The following GAB2 variants were observed in gnomAD, a reference collection of about 807,000 sequenced individuals.
GAB2 encodes GRB2 associated binding protein 2, also known as GRB2-associated-binding protein 2.
A neutral mutation model predicts 65.5 loss-of-function variants in GAB2; 26 were observed. That is an observed-to-expected ratio of 0.40 (90% confidence interval 0.29 to 0.55). The LOEUF (loss-of-function observed/expected upper bound fraction) is 0.55. Among genes scored for constraint, GAB2 ranks in the 20% least tolerant of loss-of-function variants. The pLI, the probability that GAB2 is intolerant of heterozygous loss-of-function variation, is 0.53. For synonymous variants in GAB2, 321 were observed against 329.6 expected (o/e 0.97, Z 0.28); for missense variants, 884 against 875.8 (o/e 1.01, Z -0.12).
chr11:78,243,781 T>G (rs1402752527), intron 3 of GAB2, among the ~76,000 whole-genome samples: 1 of 151,772 alleles, frequency 6.6e-6, no homozygotes, highest in African/African-American at 2.4e-5. Context: ...GAGGCGGAGG[T>G]TGTAGTGAGC....
intron 8 of GAB2, 43 bp downstream of exon 8, chr11:78,221,634 G>A (rs1864427374): frequency 8.0e-7 from 1 of 1,251,600 alleles, no homozygotes; most frequent in Non-Finnish European, 1.2e-6. Flanking sequence ...TGGGTCCCAG[G>A]GGACTTGAAA....
chr11:78,240,858 C>T (rs1298944986), intron 3 of GAB2, among the ~76,000 whole-genome samples: 2 of 152,190 alleles, frequency 1.3e-5, no homozygotes, highest in African/African-American at 2.4e-5. Flanking sequence ...GATCCTGGCC[C>T]GGAGGGCAGT....
chr11:78,270,304 A>G (rs1865977216), intron 2 of GAB2, among the ~76,000 whole-genome samples: 2 of 151,704 alleles, frequency 1.3e-5, no homozygotes, highest in South Asian at 4.2e-4. Context: ...ACTGCACTCC[A>G]GCCTGGGCAA....
intron 1 of GAB2, among the ~76,000 whole-genome samples, chr11:78,403,001 C>T (rs529934810): frequency 9.2e-5 from 14 of 152,338 alleles, no homozygotes; most frequent in African/African-American, 2.9e-4. Context: ...TGAGGAGCTT[C>T]TTTCCCTCTT....
intron 2 of GAB2, among the ~76,000 whole-genome samples, chr11:78,250,937 A>G (rs1039342413): frequency 2.0e-5 from 3 of 152,174 alleles, no homozygotes; most frequent in African/African-American, 7.2e-5. Flanking sequence ...AACAGTAGAC[A>G]CTGGGGATTA....
intron 1 of GAB2, among the ~76,000 whole-genome samples, chr11:78,341,320 G>A (rs1856090927): frequency 6.6e-6 from 1 of 152,162 alleles, no homozygotes; most frequent in African/African-American, 2.4e-5. Flanking sequence ...TTGGTAAATG[G>A]TAAATATCGG....
intron 1 of GAB2, among the ~76,000 whole-genome samples, chr11:78,312,955 T>A (rs559951258): frequency 6.6e-6 from 1 of 151,956 alleles, no homozygotes; most frequent in Non-Finnish European, 1.5e-5. Flanking sequence ...CTAAAAAATA[T>A]GTGTTTGTGT....
In GAB2 at chr11:78,227,008, T is replaced by A; in HGVS notation, c.664A>T (p.Arg222Trp). 1.9e-6 allele frequency: 3 copies of A among 1,613,410 alleles called. No individual in the cohort carries two copies. The highest frequency in any genetic ancestry group is 2.5e-6 in the Non-Finnish European group (3 of 1,179,854). Residue 222 changes from arginine to tryptophan, a missense_variant, in exon 4 of 10, where the codon AGG (arginine) becomes TGG (tryptophan). Coordinates refer to ENST00000361507, the MANE Select transcript of GAB2 (RefSeq NM_080491.3). ...AGTTTTTGTACAGCTGTGTCACTCC[T>A]CATGAGAAAAGAGGCTCTGGTGCCC... ...SQGTRASFLM[R>W]SDTAVQKLAQ...
intron 2 of GAB2, among the ~76,000 whole-genome samples, chr11:78,273,960 G>A (rs1222068725): frequency 6.6e-6 from 1 of 152,058 alleles, no homozygotes; most frequent in Admixed American, 6.5e-5. Flanking sequence ...CCATGATTAT[G>A]AGGCCTCCTC....
At chr11:78,235,928 T>C (rs1193884320) in intron 3 of GAB2, among the ~76,000 whole-genome samples, 2 of 152,240 alleles carry the variant, frequency 1.3e-5, no homozygotes, top group East Asian at 3.8e-4. Context: ...CGCCCCACTC[T>C]ACTGGTACCA....
At chr11:78,358,583 A>C (rs1280911905) in intron 1 of GAB2, among the ~76,000 whole-genome samples, 3 of 151,802 alleles carry the variant, frequency 2.0e-5, no homozygotes, top group African/African-American at 7.3e-5. Flanking sequence ...TCAAGTGAAG[A>C]TCTAAAAGTA....
At chr11:78,340,271 A>G (rs930247239) in intron 1 of GAB2, among the ~76,000 whole-genome samples, 1 of 152,210 alleles carries the variant, frequency 6.6e-6, no homozygotes, top group Non-Finnish European at 1.5e-5. Context: ...CACTGAATAA[A>G]GAGGAGTGAG....
chr11:78,399,685 G>A (rs1249253291), intron 1 of GAB2, among the ~76,000 whole-genome samples: 2 of 152,230 alleles, frequency 1.3e-5, no homozygotes, highest in African/African-American at 4.8e-5. Flanking sequence ...TGAAAGGGAT[G>A]TGAAGGCACC....
At chr11:78,304,196 A>T (rs934662203) in intron 1 of GAB2, among the ~76,000 whole-genome samples, 8 of 151,910 alleles carry the variant, frequency 5.3e-5, no homozygotes, top group African/African-American at 1.9e-4. Context: ...TTATGCTTTT[A>T]TTTTTTAATG....
At chr11:78,365,765 C>T (rs966739141) in intron 1 of GAB2, among the ~76,000 whole-genome samples, 13 of 152,238 alleles carry the variant, frequency 8.5e-5, no homozygotes, top group South Asian at 4.1e-4. Context: ...AGCCTTGGAT[C>T]GCAAAAAGCC....
In GAB2 at chr11:78,215,951, G is replaced by A. The variant is rs556419018; in HGVS notation, c.*3321C>T. 6.5e-6 allele frequency: 1 copy of A among 152,812 alleles called. No homozygotes were observed. The highest frequency in any genetic ancestry group is 1.9e-4 in the East Asian group (1 of 5,194). 9.5% of individuals were successfully genotyped at this position (152,812 alleles called of 1,614,324 possible). On this transcript the variant is annotated 3_prime_UTR_variant, in exon 10 of 10. Coordinates refer to ENST00000361507, the MANE Select transcript of GAB2 (RefSeq NM_080491.3). Reference sequence around the variant, plus strand: ...GCCCATGCTCCAGTAACTTCAGAATGGTTGTGCTTTTGTCACAGGAATGGG... The same window carrying A: ...GCCCATGCTCCAGTAACTTCAGAATAGTTGTGCTTTTGTCACAGGAATGGG...
intron 2 of GAB2, among the ~76,000 whole-genome samples, chr11:78,258,214 C>A (rs1209365078): frequency 6.6e-6 from 1 of 152,270 alleles, no homozygotes; most frequent in Middle Eastern, 3.4e-3. Context: ...GTCATATTTA[C>A]AGAGATTCAG....
intron 1 of GAB2, among the ~76,000 whole-genome samples, chr11:78,398,157 G>A (rs1222009742): frequency 6.6e-6 from 1 of 152,166 alleles, no homozygotes; most frequent in Non-Finnish European, 1.5e-5. Flanking sequence ...CCCTGCTCTT[G>A]CAAGTCAGCA....
At chr11:78,323,771 G>A (rs535992594) in intron 1 of GAB2, among the ~76,000 whole-genome samples, 4 of 145,694 alleles carry the variant, frequency 2.7e-5, no homozygotes, top group South Asian at 4.4e-4. Context: ...AAACCTACAC[G>A]TGTACCCCCT....
Sources: allele counts gnomAD v4.1 joint callset (sites outside exome capture counted in the v4.1 genomes callset), GRCh38; gene constraint gnomAD v4.1.1; transcripts MANE v1.5; gene names NCBI Gene and HGNC (gene_info 2026-07-23, HGNC 2026-07-21).